Variants in PCDHGA9 observed in about 807,000 individuals in gnomAD.
The protein encoded by PCDHGA9 is protocadherin gamma subfamily A, 9.
PCDHGA9 carries 37 observed loss-of-function variants against 62.5 expected under a neutral mutation model. That is an observed-to-expected ratio of 0.59 (90% CI 0.46 to 0.78). PCDHGA9 has a LOEUF of 0.78. PCDHGA9 is among the 30% of genes least tolerant of loss of function. PCDHGA9 has a pLI of 0.00. For missense variants in PCDHGA9, 1,138 were observed against 1,166.2 expected (o/e 0.98, Z 0.35); for synonymous variants, 459 against 484.6 (o/e 0.95, Z 0.69).
At chr5:141,507,450 CAGAG>C (rs940460926) in intron 3 of PCDHGA9, among the ~76,000 whole-genome samples, 1 of 152,170 alleles carries the variant, frequency 6.6e-6, no homozygotes, top group African/African-American at 2.4e-5. Flanking sequence ...GACGGAAGGA[CAGAG>C]AGAGAGGTGG....
At chr5:141,505,592 A>G in intron 3 of PCDHGA9, 111 bp downstream of exon 3, 1 of 1,567,266 alleles carries the variant, frequency 6.4e-7, no homozygotes. Context: ...GTTTCTCCAG[A>G]TCTTTCGGCA....
chr5:141,449,263 AC>A (rs1308401244), intron 1 of PCDHGA9, among the ~76,000 whole-genome samples: 3 of 152,152 alleles, frequency 2.0e-5, no homozygotes, highest in African/African-American at 7.2e-5. Flanking sequence ...TGTACAAAGA[AC>A]TGTATCTCCT....
rs776773140 is a variant in PCDHGA9, at chr5:141,476,589, G to A, written c.2425-18218G>A. 5 of 1,614,246 alleles carry A rather than the reference G, an allele frequency of 3.1e-6. No individual in the cohort carries two copies. Among genetic ancestry groups the A allele is most frequent in the Non-Finnish European group, 4.2e-6 (5 of 1,180,046 alleles). On this transcript the variant is annotated intron_variant, in intron 1 of 3. Coordinates refer to ENST00000573521, the MANE Select transcript of PCDHGA9 (RefSeq NM_018921.3). This position sits in a 1 kb window ranked among gnomAD's most constrained non-coding sequence, Gnocchi z 7.6. ...CCGGGGACGCGCTTTCCGCTCGAGA[G>A]CGCGCACGATCCCGATGTGGGAAGC...
At chr5:141,465,657 G>T (rs904553709) in intron 1 of PCDHGA9, among the ~76,000 whole-genome samples, 2 of 152,130 alleles carry the variant, frequency 1.3e-5, no homozygotes, top group Non-Finnish European at 2.9e-5. Context: ...CCAAAAAAGC[G>T]CTTGCCATGA....
At chr5:141,413,622 T>C (rs1561743710) in intron 1 of PCDHGA9, 2 of 1,613,760 alleles carry the variant, frequency 1.2e-6, no homozygotes, top group Non-Finnish European at 1.7e-6. Flanking sequence ...TTAATGAAAA[T>C]GTCGCTGCGG....
rs759577178 is a variant in PCDHGA9 at position 141,403,749 on chromosome 5, C to T, written c.797C>T (p.Ala266Val). 1.2e-6 allele frequency: 2 copies of T among 1,613,652 alleles called. No individual in the cohort carries two copies. Among genetic ancestry groups the T allele is most frequent in the Non-Finnish European group, 1.7e-6 (2 of 1,179,858 alleles). ...GGCACCTGGCTGCTTACTGCAACAG[C>T]CAGCGACCTGGATGAGGGAATCAAC... ...PPGTWLLTAT[A>V]SDLDEGINGK... Residue 266 changes from alanine (A) to valine (V), a missense_variant, in exon 1 of 4, where the codon GCC becomes GTC. Transcript: ENST00000573521.
intron 1 of PCDHGA9, chr5:141,409,193 TGTAAA>T (rs2095239502): frequency 1.2e-6 from 2 of 1,613,988 alleles, no homozygotes; most frequent in African/African-American, 1.3e-5. Context: ...CTCTACCCAG[TGTAAA>T]GTAATCATAG....
At chr5:141,488,207 TC>T (rs2099672969) in intron 1 of PCDHGA9, among the ~76,000 whole-genome samples, 1 of 152,216 alleles carries the variant, frequency 6.6e-6, no homozygotes, top group Non-Finnish European at 1.5e-5. Context: ...AGGACTCATA[TC>T]AAGTCCCTAC....
Position 141,491,417 on chromosome 5 carries a change from G to A in PCDHGA9, c.2425-3390G>A, listed in dbSNP as rs200843744. 5 of 1,613,988 alleles carry A rather than the reference G, an allele frequency of 3.1e-6. No homozygotes were observed. The highest frequency in any genetic ancestry group is 1.1e-5 in the South Asian group (1 of 91,092). Reference sequence around the variant, plus strand: ...CAGGGAAACGCAGACGGGGACGGGGGTGGAGGGCAGTGCTGCAGGCGCCAG... The same window carrying A: ...CAGGGAAACGCAGACGGGGACGGGGATGGAGGGCAGTGCTGCAGGCGCCAG... On this transcript the variant is annotated intron_variant, in intron 1 of 3. Transcript: ENST00000573521. The surrounding 1 kb of genome is among the most constrained non-coding windows in gnomAD (Gnocchi z 6.9).
intron 1 of PCDHGA9, among the ~76,000 whole-genome samples, chr5:141,461,345 G>A (rs1277222105): frequency 1.3e-5 from 2 of 152,102 alleles, no homozygotes; most frequent in African/African-American, 4.8e-5. Context: ...CAGGACCAAG[G>A]TGGTAGCTCG....
At chr5:141,441,404 C>T (rs1231257776) in intron 1 of PCDHGA9, 1 of 155,262 alleles carries the variant, frequency 6.4e-6, no homozygotes, top group Admixed American at 6.5e-5. Context: ...ATCAGCATCA[C>T]TGCCACTGAC....
intron 1 of PCDHGA9, chr5:141,413,704 A>C (rs749988351): frequency 6.2e-7 from 1 of 1,613,616 alleles, no homozygotes; most frequent in South Asian, 1.1e-5. Flanking sequence ...CTATCAGCTC[A>C]GCCCCAATAA....
chr5:141,409,180 T>C (rs2095236494), intron 1 of PCDHGA9: 1 of 1,613,848 alleles, frequency 6.2e-7, no homozygotes, highest in Non-Finnish European at 8.5e-7. Flanking sequence ...ACGGAGGTGG[T>C]CTCTCTACCC....
intron 1 of PCDHGA9, chr5:141,409,493 CCT>C (rs1312265786): frequency 6.2e-6 from 10 of 1,614,012 alleles, no homozygotes; most frequent in Non-Finnish European, 7.6e-6. Context: ...GGGCAAGCCG[CCT>C]CTTTCTTCCA....
At chr5:141,418,718 A>G (rs1334115906) in intron 1 of PCDHGA9, 4 of 1,613,912 alleles carry the variant, frequency 2.5e-6, no homozygotes, top group Non-Finnish European at 3.4e-6. Flanking sequence ...TGTGGCTGAC[A>G]AAGCTCAGCA....
rs186484297 is a variant in PCDHGA9 at position 141,453,739 on chromosome 5, A to G, written c.2425-41068A>G. ...TAAAAATATTTGTTACTACAGCTTA[A>G]ATAACATAAGTCTCCTAAAAATAAT... On this transcript the variant is annotated intron_variant, in intron 1 of 3. Coordinates refer to ENST00000573521, the MANE Select transcript of PCDHGA9 (RefSeq NM_018921.3). Among the ~76,000 whole-genome samples, 2 of 152,370 alleles carry G rather than the reference A, an allele frequency of 1.3e-5. 1 individual carries two copies. Among genetic ancestry groups the G allele is most frequent in the Admixed American group, 1.3e-4 (2 of 15,300 alleles).
rs766669117 is a variant in PCDHGA9, at chr5:141,403,342, C to T, written c.390C>T (p.Ala130=). The stretch of plus-strand genomic sequence containing the variant: ...AAGTAACTGATATTAACGACAGCGC[C>T]CCAAAGTTCCAGGCCGAAAGTCTGG... ...EIEVTDINDS[A]PKFQAESLEV... The change falls in exon 1 of 4, where the codon GCC becomes GCT. Residue 130 remains alanine (A), a synonymous_variant. Transcript: ENST00000573521. The T allele has an allele frequency of 2.5e-6, 4 of 1,613,976 alleles. No individual in the cohort carries two copies. The highest frequency in any genetic ancestry group is 1.3e-5 in the African/African-American group (1 of 75,050).
intron 1 of PCDHGA9, chr5:141,413,967 G>A: frequency 6.2e-7 from 1 of 1,613,428 alleles, no homozygotes; most frequent in Non-Finnish European, 8.5e-7. Context: ...TGGGCACTCA[G>A]CTGCTGACAG....
chr5:141,430,380 T>TG (rs1376875091), intron 1 of PCDHGA9, among the ~76,000 whole-genome samples: 2 of 147,890 alleles, frequency 1.4e-5, no homozygotes, highest in African/African-American at 5.0e-5. Context: ...AAAAGCTCAT[T>TG]GGGAAAAAAA....
Sources: gnomAD v4.1 joint callset for allele counts (sites outside exome capture counted in the v4.1 genomes callset) on GRCh38, gnomAD v4.1.1 for gene constraint, Gnocchi (gnomAD v3.1) non-coding constraint, MANE v1.5 for transcripts, NCBI Gene and HGNC (gene_info 2026-07-23, HGNC 2026-07-21) for gene names.